BBS9: variants seen among roughly 807,000 people sequenced by gnomAD.
BBS9 encodes the protein Bardet-Biedl syndrome 9.
In BBS9, 89 loss-of-function variants were observed where a neutral mutation model predicts 117.7. That is an observed-to-expected ratio of 0.76 (90% CI 0.64 to 0.90). The LOEUF is 0.90. Among genes scored for constraint, BBS9 ranks in the 40% least tolerant of loss-of-function variants. The pLI, the probability that BBS9 is intolerant of heterozygous loss-of-function variation, is 0.00. For synonymous variants in BBS9, 379 were observed against 370.9 expected (o/e 1.02, Z -0.25); for missense variants, 982 against 1,042.2 (o/e 0.94, Z 0.80).
At chr7:33,432,141 G>GTGGTGCGATCTCGTCTCACTGCAA (rs1194158477) in intron 19 of BBS9, among the ~76,000 whole-genome samples, 4 of 149,652 alleles carry the variant, frequency 2.7e-5, no homozygotes, top group East Asian at 2.0e-4. Context: ...CTGGAGTGCA[G>GTGGTGCGATCTCGTCTCACTGCAA]TGGTGCGATC....
intron 1 of BBS9, among the ~76,000 whole-genome samples, chr7:33,142,975 C>CA (rs1554304937): frequency 2.0e-5 from 3 of 146,540 alleles, no homozygotes; most frequent in Non-Finnish European, 4.5e-5. Flanking sequence ...CTAGGTTTAA[C>CA]TTTTTTTTTT....
At chr7:33,329,025 A>ATTTT in intron 9 of BBS9, among the ~76,000 whole-genome samples, 1 of 141,916 alleles carries the variant, frequency 7.0e-6, no homozygotes, top group South Asian at 2.2e-4. Context: ...TTATTTATTT[A>ATTTT]TTTGTTTATT....
At chr7:33,216,641 T>C (rs1177886239) in intron 5 of BBS9, among the ~76,000 whole-genome samples, 1 of 152,236 alleles carries the variant, frequency 6.6e-6, no homozygotes, top group Non-Finnish European at 1.5e-5. Flanking sequence ...TGGTTGGCTT[T>C]GTCACATAGT....
chr7:33,181,899 C>T (rs1408412334), intron 5 of BBS9, among the ~76,000 whole-genome samples: 3 of 152,070 alleles, frequency 2.0e-5, no homozygotes, highest in Non-Finnish European at 2.9e-5. Context: ...CTGGCTAACA[C>T]GGTGAAACCC....
intron 21 of BBS9, among the ~76,000 whole-genome samples, chr7:33,625,200 C>G (rs1376166661): frequency 6.6e-6 from 1 of 151,812 alleles, no homozygotes; most frequent in African/African-American, 2.4e-5. Flanking sequence ...TATATGGGCT[C>G]AAAATCTAGA....
intron 5 of BBS9, among the ~76,000 whole-genome samples, chr7:33,195,212 A>T (rs76549802): frequency 6.6e-6 from 1 of 152,128 alleles, no homozygotes; most frequent in Non-Finnish European, 1.5e-5. Context: ...TTTGGCACAT[A>T]GTGGGTGCTT....
intron 21 of BBS9, among the ~76,000 whole-genome samples, chr7:33,619,703 G>A (rs1865312598): frequency 6.6e-6 from 1 of 151,958 alleles, no homozygotes; most frequent in Non-Finnish European, 1.5e-5. Flanking sequence ...AGGAAAATTG[G>A]AAAATTCACA....
At chr7:33,336,779 T>C (rs1246313979) in intron 10 of BBS9, among the ~76,000 whole-genome samples, 157 bp downstream of exon 10, 1 of 152,238 alleles carries the variant, frequency 6.6e-6, no homozygotes, top group Non-Finnish European at 1.5e-5. Flanking sequence ...ACACAAGGTC[T>C]TTATGTCTAC....
chr7:33,197,715 C>G (rs1301884462), intron 5 of BBS9, among the ~76,000 whole-genome samples: 1 of 151,026 alleles, frequency 6.6e-6, no homozygotes, highest in Non-Finnish European at 1.5e-5. Flanking sequence ...ATGAATAAAG[C>G]TATTAAGATC....
At chr7:33,272,380 T>TTG (rs1478550944) in intron 7 of BBS9, among the ~76,000 whole-genome samples, 7 of 152,190 alleles carry the variant, frequency 4.6e-5, no homozygotes, top group Non-Finnish European at 8.8e-5. Flanking sequence ...AAACAGTATA[T>TTG]GCCTTTCTGC....
intron 5 of BBS9, among the ~76,000 whole-genome samples, chr7:33,206,055 G>A (rs1371283453): frequency 3.3e-5 from 5 of 152,114 alleles, no homozygotes; most frequent in Admixed American, 1.3e-4. Flanking sequence ...TGATTTCATT[G>A]CATGTCCTAT....
At chr7:33,239,292 T>C (rs1794069583) in intron 5 of BBS9, among the ~76,000 whole-genome samples, 1 of 152,168 alleles carries the variant, frequency 6.6e-6, no homozygotes, top group Non-Finnish European at 1.5e-5. Flanking sequence ...TCTCATTTAA[T>C]CCTTAAAACA....
intron 20 of BBS9, among the ~76,000 whole-genome samples, chr7:33,531,954 A>G (rs893334696): frequency 1.2e-4 from 19 of 152,256 alleles, no homozygotes; most frequent in Non-Finnish European, 8.8e-5. Flanking sequence ...ATATCTCACC[A>G]TCTCTGTGCA....
intron 9 of BBS9, among the ~76,000 whole-genome samples, chr7:33,312,384 A>G (rs893153466): frequency 6.6e-6 from 1 of 152,190 alleles, no homozygotes; most frequent in Non-Finnish European, 1.5e-5. Context: ...CATTAAAAAT[A>G]TTGTTTTTAA....
chr7:33,386,147 A>G (rs1341337282), intron 18 of BBS9, among the ~76,000 whole-genome samples: 2 of 152,184 alleles, frequency 1.3e-5, no homozygotes, highest in Non-Finnish European at 2.9e-5. Context: ...ATAAAAAAAT[A>G]AAAAGAAGAA....
chr7:33,470,642 C>T (rs531072623), intron 19 of BBS9, among the ~76,000 whole-genome samples: 1 of 152,160 alleles, frequency 6.6e-6, no homozygotes, highest in Non-Finnish European at 1.5e-5. Context: ...TTAGAAGATG[C>T]AAAGCCAGGG....
At chr7:33,130,350 C>T (rs1206350413) in intron 1 of BBS9, among the ~76,000 whole-genome samples, 1 of 152,154 alleles carries the variant, frequency 6.6e-6, no homozygotes, top group African/African-American at 2.4e-5. Flanking sequence ...TCCCAGCCTA[C>T]GACTGAAGTA....
intron 20 of BBS9, among the ~76,000 whole-genome samples, chr7:33,531,640 G>A (rs569832147): frequency 7.2e-5 from 11 of 152,354 alleles, no homozygotes; most frequent in African/African-American, 2.6e-4. Context: ...AGAGGGTACA[G>A]AATTGCTGTC....
intron 19 of BBS9, among the ~76,000 whole-genome samples, chr7:33,392,093 CT>C (rs560872225): frequency 1.8e-4 from 27 of 152,326 alleles, no homozygotes; most frequent in African/African-American, 6.3e-4. Context: ...TCCCTGCTCC[CT>C]GGTGAGCTTA....
Sources: allele counts gnomAD v4.1 joint callset (sites outside exome capture counted in the v4.1 genomes callset), GRCh38; gene constraint gnomAD v4.1.1; transcripts MANE v1.5; gene names NCBI Gene and HGNC (gene_info 2026-07-23, HGNC 2026-07-21).